SSBP3: variants seen among roughly 807,000 people sequenced by gnomAD.
SSBP3 encodes single-stranded DNA-binding protein 3.
Under a neutral mutation model 69.6 loss-of-function variants are expected in SSBP3, and 5 were observed. The observed-to-expected ratio is 0.07, with a 90% confidence interval of 0.04 to 0.15. The LOEUF (loss-of-function observed/expected upper bound fraction) is 0.15, where lower values mean the gene tolerates loss of function less well. Among genes scored for constraint, SSBP3 ranks in the 10% least tolerant of loss-of-function variants. The pLI is 1.00. For synonymous variants in SSBP3, 196 were observed against 193.4 expected, an observed-to-expected ratio of 1.01 and a Z score of -0.11; for missense variants, 312 against 534.0, an observed-to-expected ratio of 0.58 and a Z score of 4.10.
chr1:54,389,002 T>C (rs1400913616), intron 4 of SSBP3, among the ~76,000 whole-genome samples: 1 of 152,198 alleles, frequency 6.6e-6, no homozygotes, highest in East Asian at 1.9e-4. Context: ...AAAACTTCAC[T>C]GGGGGCTCTT....
intron 4 of SSBP3, among the ~76,000 whole-genome samples, chr1:54,368,288 CAAAAAAA>C (rs57721486): frequency 8.7e-5 from 6 of 69,044 alleles, no homozygotes; most frequent in Non-Finnish European, 1.5e-4. Context: ...GACTCCATCT[CAAAAAAA>C]AAAAAAAAAA....
At chr1:54,385,728 T>C (rs1648031747) in intron 4 of SSBP3, among the ~76,000 whole-genome samples, 1 of 152,184 alleles carries the variant, frequency 6.6e-6, no homozygotes, top group Non-Finnish European at 1.5e-5. Flanking sequence ...TCTAACATGC[T>C]CTGCTTCATT....
intron 4 of SSBP3, among the ~76,000 whole-genome samples, chr1:54,323,652 G>A (rs1244511513): frequency 2.0e-5 from 3 of 152,196 alleles, no homozygotes; most frequent in African/African-American, 7.2e-5. Context: ...GTGCTTGGGG[G>A]CAAAGCTCAG....
intron 5 of SSBP3, among the ~76,000 whole-genome samples, chr1:54,276,500 A>G (rs2100847964): frequency 6.7e-6 from 1 of 148,578 alleles, no homozygotes; most frequent in South Asian, 2.2e-4. Context: ...AATCCCAGCT[A>G]CTCAGGAGGC....
At chr1:54,325,384 C>G (rs1291663331) in intron 4 of SSBP3, 1 of 167,184 alleles carries the variant, frequency 6.0e-6, no homozygotes, top group Non-Finnish European at 1.5e-5. Flanking sequence ...TAGGCCCAAG[C>G]ATCATGGGAT....
chr1:54,240,047 G>GTGTGTGTGTGT (rs1553123140), intron 13 of SSBP3, among the ~76,000 whole-genome samples: 10 of 77,802 alleles, frequency 1.3e-4, no homozygotes, highest in African/African-American at 5.4e-4. Context: ...ATTGTGATGG[G>GTGTGTGTGTGT]GTGTGTGTGT....
At chr1:54,322,850 A>G (rs1173322806) in intron 4 of SSBP3, among the ~76,000 whole-genome samples, 1 of 152,144 alleles carries the variant, frequency 6.6e-6, no homozygotes, top group Non-Finnish European at 1.5e-5. Context: ...ACAGCACCCA[A>G]CATAAAACAG....
chr1:54,227,182 G>T (rs758498750), intron 17 of SSBP3, 22 bp from the exon 18 acceptor site: 5 of 626,160 alleles, frequency 8.0e-6, no homozygotes, highest in African/African-American at 4.1e-5. Context: ...AAGCAGAGAA[G>T]GGGGGGGGGT....
intron 4 of SSBP3, among the ~76,000 whole-genome samples, chr1:54,397,683 G>C (rs1169945629): frequency 6.6e-6 from 1 of 152,164 alleles, no homozygotes; most frequent in Non-Finnish European, 1.5e-5. Context: ...CAAGGTCATG[G>C]AACTCCATGT....
chr1:54,246,566 A>G (rs535513669), intron 9 of SSBP3, among the ~76,000 whole-genome samples: 1 of 152,294 alleles, frequency 6.6e-6, no homozygotes, highest in African/African-American at 2.4e-5. Flanking sequence ...TGCAGTACGC[A>G]GCGCTGAGCT....
chr1:54,291,453 A>G (rs1015313247), intron 4 of SSBP3, among the ~76,000 whole-genome samples: 1 of 151,200 alleles, frequency 6.6e-6, no homozygotes, highest in African/African-American at 2.4e-5. Context: ...GCAGTGGACC[A>G]CCGTGGTCTG....
At position 54,312,556 on chromosome 1, in the gene SSBP3, T is replaced by TA. The variant is rs534313722; in HGVS notation, c.277-31030dup. Among the ~76,000 whole-genome samples, 888 of 146,198 alleles carry TA rather than the reference T, an allele frequency of 6.1e-3. 7 individuals are homozygous for TA. Among genetic ancestry groups the TA allele is most frequent in the South Asian group, 0.028 (128 of 4,638 alleles). ...TGAGCTGAAATCACGCCACTGCACT[T>TA]AAAAAAAAAAAAATTTGCAGGATTA... On this transcript the variant is annotated intron_variant, in intron 4 of 17. Transcript: ENST00000610401.
intron 4 of SSBP3, among the ~76,000 whole-genome samples, chr1:54,313,584 AG>A (rs1646044805): frequency 1.3e-5 from 2 of 151,918 alleles, no homozygotes; most frequent in African/African-American, 4.8e-5. Context: ...TCAACAGTCA[AG>A]TACTCTGGGG....
intron 4 of SSBP3, among the ~76,000 whole-genome samples, chr1:54,346,599 G>A (rs1381332599): frequency 1.3e-5 from 2 of 152,052 alleles, no homozygotes; most frequent in Admixed American, 1.3e-4. Flanking sequence ...TGGATCACGA[G>A]GTCAGGAGAT....
chr1:54,326,369 CT>C, intron 4 of SSBP3: 1 of 152,980 alleles, frequency 6.5e-6, no homozygotes, highest in East Asian at 1.9e-4. Flanking sequence ...TCCCGCATCC[CT>C]TCCTCTTTGC....
intron 5 of SSBP3, among the ~76,000 whole-genome samples, chr1:54,261,818 T>C (rs902664968): frequency 4.6e-5 from 7 of 152,114 alleles, no homozygotes; most frequent in African/African-American, 1.7e-4. Flanking sequence ...CAGGCTAGAC[T>C]AGGGTGGCTG....
At chr1:54,297,545 C>T (rs1218854710) in intron 4 of SSBP3, among the ~76,000 whole-genome samples, 1 of 152,134 alleles carries the variant, frequency 6.6e-6, no homozygotes, top group Non-Finnish European at 1.5e-5. Context: ...GCAGGAGAAT[C>T]GCTTGAACTT....
chr1:54,265,000 T>C (rs920001585), intron 5 of SSBP3, among the ~76,000 whole-genome samples: 7 of 152,128 alleles, frequency 4.6e-5, no homozygotes, highest in Non-Finnish European at 5.9e-5. Context: ...AAAATTACAA[T>C]AATTATACAC....
chr1:54,299,945 G>T (rs1230627328), intron 4 of SSBP3, among the ~76,000 whole-genome samples: 1 of 151,982 alleles, frequency 6.6e-6, no homozygotes, highest in African/African-American at 2.4e-5. Context: ...CCTGAACACT[G>T]CATGTCTTTT....
Sources: gnomAD v4.1 joint callset for allele counts (sites outside exome capture counted in the v4.1 genomes callset) on GRCh38, gnomAD v4.1.1 for gene constraint, MANE v1.5 for transcripts, NCBI Gene and HGNC (gene_info 2026-07-23, HGNC 2026-07-21) for gene names.